Variants in ZMAT1 observed in about 807,000 individuals in gnomAD.
ZMAT1 encodes zinc finger matrin-type protein 1.
A neutral mutation model predicts 18.5 loss-of-function variants in ZMAT1; 11 were observed. That is an observed-to-expected ratio of 0.59 (90% CI 0.37 to 0.98). The LOEUF (loss-of-function observed/expected upper bound fraction) is 0.98, where lower values mean the gene tolerates loss of function less well. Among genes scored for constraint, ZMAT1 ranks in the 50% least tolerant of loss-of-function variants. ZMAT1 has a pLI of 0.01. For synonymous variants in ZMAT1, 211 were observed against 176.4 expected, an observed-to-expected ratio of 1.20 and a Z score of -1.55; for missense variants, 525 against 496.2, an observed-to-expected ratio of 1.06 and a Z score of -0.55.
chrX:101,901,001 T>C lies in ZMAT1; in HGVS notation c.400-2781A>G, dbSNP rs1027062782. On this transcript the variant is annotated intron_variant, in intron 2 of 5. Coordinates refer to ENST00000651725, the MANE Select transcript of ZMAT1 (RefSeq NM_001394560.1). ...TATGATTTCTTTCAGCAGTGTTTTG[T>C]AGTTTTCCTTACAGAGATCTTTCGA... is the stretch of plus-strand genomic sequence containing the variant. Among the ~76,000 whole-genome samples, 11 of 111,764 alleles carry C rather than the reference T, an allele frequency of 9.8e-5. No individual in the cohort carries two copies. In the East Asian group the frequency reaches 2.2e-3, roughly 23 times the overall value.
Position 101,931,919 on chromosome X carries a change from G to GT in ZMAT1, c.89dup (p.Tyr30Ter). The change falls in exon 1 of 6, where the codon TAC becomes TAAC. Residue 30 changes from tyrosine to a stop codon, truncating the protein, a stop_gained and frameshift_variant. Transcript: ENST00000651725. LOFTEE classifies it high-confidence loss of function. ...CCGCCGCCGCTGCCGCGCAGGCGGTGTAGGAGGAGGAGGAGGCGGCAGAGA... is the reference window on the plus strand; with the variant it reads ...CCGCCGCCGCTGCCGCGCAGGCGGTGTTAGGAGGAGGAGGAGGCGGCAGAGA... ...ATVSAASSSS[Y>*]TACAAAAAAA... The GT allele has an allele frequency of 1.3e-6, 1 of 791,310 alleles. No homozygotes were observed. 65.2% of individuals were successfully genotyped at this position (791,310 alleles called of 1,213,427 possible). A position where few individuals can be genotyped will look rare whatever the true frequency, so the allele number is the denominator to read the frequency against.
chrX:101,896,459 TC>T (rs1277451174), intron 4 of ZMAT1, among the ~76,000 whole-genome samples: 1 of 112,263 alleles, frequency 8.9e-6, no homozygotes, highest in African/African-American at 3.2e-5. Flanking sequence ...ATTCTGTCTA[TC>T]TTTTGAATGA....
chrX:101,883,144 T>G lies in ZMAT1; in HGVS notation c.*366A>C, dbSNP rs906758845. On this transcript the variant is annotated 3_prime_UTR_variant, in exon 6 of 6. Transcript: ENST00000651725. ...TCTCCTTTTCTTCATCTGATCCTCT[T>G]GCTTTTGTCTAAAGTCCATTTTCTT... 8.0e-6 allele frequency: 1 copy of G among 125,645 alleles called. No individual in the cohort carries two copies. The highest frequency in any genetic ancestry group is 3.2e-5 in the African/African-American group (1 of 31,241). The allele number at this position is 125,645 out of a possible 1,213,427, so 10.4% of individuals were successfully genotyped here.
chrX:101,914,702 T>TA (rs772684693), intron 1 of ZMAT1, among the ~76,000 whole-genome samples: 7 of 109,916 alleles, frequency 6.4e-5, no homozygotes, highest in East Asian at 2.9e-4. Flanking sequence ...GAAGCCATAA[T>TA]AAAAAAAAAT....
chrX:101,901,728 A>G (rs915229688), intron 2 of ZMAT1, among the ~76,000 whole-genome samples: 8 of 111,444 alleles, frequency 7.2e-5, no homozygotes, highest in Non-Finnish European at 1.5e-4. Context: ...AGTTTTATAT[A>G]TTACTATCTT....
intron 1 of ZMAT1, among the ~76,000 whole-genome samples, chrX:101,907,436 G>A (rs898847330): frequency 1.8e-5 from 2 of 112,382 alleles, no homozygotes; most frequent in Admixed American, 9.4e-5. Flanking sequence ...GCTGACTGGT[G>A]AAGGGCTTTC....
At chrX:101,894,995 T>C (rs1230281122) in intron 4 of ZMAT1, 1 of 459,982 alleles carries the variant, frequency 2.2e-6, no homozygotes, top group East Asian at 1.9e-4. Flanking sequence ...CCTGAATTCT[T>C]GCCACTCTTA....
chrX:101,920,531 TAA>T (rs1929650565), intron 1 of ZMAT1, among the ~76,000 whole-genome samples: 1 of 111,956 alleles, frequency 8.9e-6, no homozygotes, highest in African/African-American at 3.2e-5. Flanking sequence ...TATGAAATTA[TAA>T]AAGATACTGG....
chrX:101,929,460 CACAG>C (rs1238074688), intron 1 of ZMAT1, among the ~76,000 whole-genome samples: 1 of 82,105 alleles, frequency 1.2e-5, no homozygotes, highest in African/African-American at 5.9e-5. Flanking sequence ...TATATATACA[CACAG>C]AGAGAGAGAG....
chrX:101,887,820 A>C (rs887276530), intron 4 of ZMAT1: 2 of 111,333 alleles, frequency 1.8e-5, no homozygotes, highest in African/African-American at 6.5e-5. Flanking sequence ...TCTATGCTCT[A>C]ATTTCATGCA....
intron 1 of ZMAT1, among the ~76,000 whole-genome samples, chrX:101,917,532 C>A (rs1161859877): frequency 2.7e-5 from 3 of 112,268 alleles, no homozygotes; most frequent in African/African-American, 9.7e-5. Flanking sequence ...AAAAGACAGG[C>A]AATAGCAAAT....
intron 1 of ZMAT1, among the ~76,000 whole-genome samples, chrX:101,919,445 A>C (rs2073121517): frequency 8.9e-6 from 1 of 112,236 alleles, no homozygotes; most frequent in South Asian, 3.7e-4. Context: ...TTTAGCTGGA[A>C]CTTAACTTTG....
At chrX:101,897,744 G>T (rs748529864) in intron 4 of ZMAT1, 124 bp downstream of exon 4, 8 of 543,844 alleles carry the variant, frequency 1.5e-5, no homozygotes, top group Middle Eastern at 8.5e-4. Context: ...CTGGGAAGAA[G>T]AATAATAATC....
Position 101,900,391 on chromosome X carries a change from A to T in ZMAT1, c.400-2171T>A, listed in dbSNP as rs760794970. ...AATCCTTGCCTAAGCCAGTATCTAG[A>T]AGGGTTTTTCCATTGTTATCATCCA... On this transcript the variant is annotated intron_variant, in intron 2 of 5. Coordinates refer to ENST00000651725, the MANE Select transcript of ZMAT1 (RefSeq NM_001394560.1). Among the ~76,000 whole-genome samples, 19 of 93,418 alleles carry T rather than the reference A, an allele frequency of 2.0e-4. 1 individual carries two copies. The South Asian group carries it at 7.9e-3, about 39-fold the overall frequency. 81.1% of individuals were successfully genotyped at this position (93,418 alleles called of 115,157 possible).
At chrX:101,898,366 T>C (rs181496632) in intron 2 of ZMAT1, 146 bp from the exon 3 acceptor site, 2 of 484,762 alleles carry the variant, frequency 4.1e-6, no homozygotes, top group African/African-American at 4.8e-5. Flanking sequence ...AATCTCTAAA[T>C]GTCAGTTAAA....
rs1930549071 is a variant in ZMAT1 at position 101,932,003 on chromosome X, C to G, written c.6G>C (p.Ala2=). 1 of 766,001 alleles carries G rather than the reference C, an allele frequency of 1.3e-6. No individual in the cohort carries two copies. The highest frequency in any genetic ancestry group is 1.5e-6 in the Non-Finnish European group (1 of 647,642). The allele number at this position is 766,001 out of a possible 1,213,427, so 63.1% of individuals were successfully genotyped here. Residue 2 remains alanine (A), a synonymous_variant, in exon 1 of 6, where the codon GCG becomes GCC. Transcript: ENST00000651725. ...GCGGGGTGACTGTGCTCGGCGCCGCCGCCATCGCAGCGAGGCGCGCGGACA... is the reference window on the plus strand; with the variant it reads ...GCGGGGTGACTGTGCTCGGCGCCGCGGCCATCGCAGCGAGGCGCGCGGACA... M[A]AAPSTVTPLA...
At chrX:101,928,833 TAAAAGG>T (rs1930223033) in intron 1 of ZMAT1, among the ~76,000 whole-genome samples, 1 of 112,073 alleles carries the variant, frequency 8.9e-6, no homozygotes, top group Non-Finnish European at 1.9e-5. Context: ...TATTTTTTCT[TAAAAGG>T]AAGAGGTAAA....
chrX:101,884,201 T>A lies in ZMAT1; in HGVS notation c.1397A>T (p.Glu466Val). The change falls in exon 6 of 6, where the codon GAG (glutamate) becomes GTG (valine). Residue 466 changes from glutamate to valine, a missense_variant. Physicochemically the swap from Glu to Val is moderately radical, Grantham distance 121. Coordinates refer to ENST00000651725, the MANE Select transcript of ZMAT1 (RefSeq NM_001394560.1). ...YIKVQKARGLEPKTCFRKIGD... is the reference protein window; with the variant it reads ...YIKVQKARGLVPKTCFRKIGD... ...TATCTTTCTGAAACAAGTTTTTGGC[T>A]CTAGTCCTCTGGCTTTCTGCACTTT... The A allele has an allele frequency of 2.5e-6, 3 of 1,211,550 alleles. No homozygotes were observed. The highest frequency in any genetic ancestry group is 3.4e-6 in the Non-Finnish European group (3 of 895,314).
At position 101,931,995 on chromosome X, in the gene ZMAT1, G is replaced by A. The variant is rs1006595062; in HGVS notation, c.14C>T (p.Pro5Leu). Residue 5 changes from proline (P) to leucine (L), a missense_variant, in exon 1 of 6, where the codon CCG becomes CTG. Coordinates refer to ENST00000651725, the MANE Select transcript of ZMAT1 (RefSeq NM_001394560.1). ...CGCCGCCAGCGGGGTGACTGTGCTC[G>A]GCGCCGCCGCCATCGCAGCGAGGCG... MAAA[P>L]STVTPLAAES... The A allele has an allele frequency of 2.6e-6, 2 of 766,860 alleles. No individual in the cohort carries two copies. Among genetic ancestry groups the A allele is most frequent in the East Asian group, 1.5e-4 (1 of 6,671 alleles). 63.2% of individuals were successfully genotyped at this position (766,860 alleles called of 1,213,427 possible).
Sources: allele counts gnomAD v4.1 joint callset (sites outside exome capture counted in the v4.1 genomes callset), GRCh38; gene constraint gnomAD v4.1.1; transcripts MANE v1.5; gene names NCBI Gene and HGNC (gene_info 2026-07-23, HGNC 2026-07-21).